TAOK3: variants seen among roughly 807,000 people sequenced by gnomAD.
The protein encoded by TAOK3 is serine/threonine-protein kinase TAO3.
Under a neutral mutation model 120.4 loss-of-function variants are expected in TAOK3, and 40 were observed. That is an observed-to-expected ratio of 0.33 (90% confidence interval 0.26 to 0.43). The LOEUF is 0.43. TAOK3 is among the 20% of genes least tolerant of loss of function. TAOK3 has a pLI of 1.00. For synonymous variants in TAOK3, 355 were observed against 387.5 expected, an observed-to-expected ratio of 0.92 and a Z score of 0.99; for missense variants, 821 against 1,112.1, an observed-to-expected ratio of 0.74 and a Z score of 3.72.
chr12:118,330,535 T>C (rs1347374413), intron 1 of TAOK3, among the ~76,000 whole-genome samples: 1 of 152,134 alleles, frequency 6.6e-6, no homozygotes, highest in Non-Finnish European at 1.5e-5. Context: ...TGTATGTGCG[T>C]GTCTGGCTGC....
chr12:118,361,468 T>C (rs1159158526), intron 1 of TAOK3, among the ~76,000 whole-genome samples: 1 of 152,074 alleles, frequency 6.6e-6, no homozygotes, highest in African/African-American at 2.4e-5. Context: ...TTTTCTTTTT[T>C]TTTTTTTGAG....
intron 8 of TAOK3, 51 bp downstream of exon 8, chr12:118,235,507 G>A (rs1309897888): frequency 7.1e-7 from 1 of 1,416,362 alleles, no homozygotes; most frequent in Admixed American, 1.7e-5. Context: ...CCATAGTTGA[G>A]TTCATGTATG....
chr12:118,351,133 C>T (rs909641881), intron 1 of TAOK3, among the ~76,000 whole-genome samples: 1 of 152,060 alleles, frequency 6.6e-6, no homozygotes, highest in Admixed American at 6.6e-5. Context: ...GAACTGAGAT[C>T]ACAGCACTGC....
At chr12:118,313,572 G>T (rs552186230) in intron 1 of TAOK3, among the ~76,000 whole-genome samples, 1 of 152,174 alleles carries the variant, frequency 6.6e-6, no homozygotes, top group Non-Finnish European at 1.5e-5. Flanking sequence ...CACCGCATAG[G>T]CTGAGAAAGG....
At chr12:118,276,813 T>C (rs1433213698) in intron 1 of TAOK3, among the ~76,000 whole-genome samples, 2 of 152,178 alleles carry the variant, frequency 1.3e-5, no homozygotes, top group African/African-American at 4.8e-5. Context: ...GAGACCAACC[T>C]GGCCAACATG....
intron 1 of TAOK3, among the ~76,000 whole-genome samples, chr12:118,270,947 G>T (rs898224812): frequency 6.6e-6 from 1 of 152,050 alleles, no homozygotes; most frequent in East Asian, 1.9e-4. Context: ...AAAGTGCTGG[G>T]ATTACAGGTG....
At chr12:118,227,115 G>A (rs16948193) in intron 9 of TAOK3, among the ~76,000 whole-genome samples, 18,330 of 151,644 alleles carry the variant, frequency 0.12, 1,192 homozygotes, top group Middle Eastern at 0.15. Context: ...GTTAAAAAAT[G>A]GGTAGGCACT....
chr12:118,201,083 C>T (rs1002978305), intron 12 of TAOK3: 3 of 409,348 alleles, frequency 7.3e-6, no homozygotes, highest in South Asian at 5.4e-5. Context: ...CCATGATGGA[C>T]CCCTGCAATG....
chr12:118,311,621 T>C (rs1442380892), intron 1 of TAOK3, among the ~76,000 whole-genome samples: 2 of 7,190 alleles, frequency 2.8e-4, no homozygotes, highest in African/African-American at 2.6e-3. Context: ...GTTGAATAAT[T>C]TTTTTTTTTT....
At chr12:118,280,114 T>C (rs989398525) in intron 1 of TAOK3, among the ~76,000 whole-genome samples, 1 of 143,732 alleles carries the variant, frequency 7.0e-6, no homozygotes, top group Non-Finnish European at 1.5e-5. Flanking sequence ...CAGGCTGGGG[T>C]GCAGTGGCGC....
chr12:118,222,533 A>AT (rs2039288090), intron 9 of TAOK3, among the ~76,000 whole-genome samples: 1 of 126,660 alleles, frequency 7.9e-6, no homozygotes, highest in African/African-American at 3.1e-5. Context: ...CTCCCTCTCG[A>AT]AAAAAAAAAA....
intron 16 of TAOK3, among the ~76,000 whole-genome samples, chr12:118,173,234 A>G (rs562218851): frequency 5.5e-4 from 84 of 152,234 alleles, no homozygotes; most frequent in Non-Finnish European, 4.1e-4. Flanking sequence ...GAGAGGAAAC[A>G]TGGTGCCATC....
intron 9 of TAOK3, among the ~76,000 whole-genome samples, chr12:118,230,554 T>C (rs2454757): frequency 0.73 from 106,646 of 146,868 alleles, 38,635 homozygotes; most frequent in South Asian, 0.77. Context: ...CTGCAAGCTC[T>C]GCCTCCCAGG....
At chr12:118,199,279 G>A (rs760908030) in intron 12 of TAOK3, 22 bp from the exon 13 acceptor site, 23 of 1,576,142 alleles carry the variant, frequency 1.5e-5, no homozygotes, top group African/African-American at 4.1e-5. Context: ...GGGCACTGAG[G>A]TTAGAAAAAA....
chr12:118,290,717 C>T (rs1248906649), intron 1 of TAOK3, among the ~76,000 whole-genome samples: 1 of 152,154 alleles, frequency 6.6e-6, no homozygotes, highest in Non-Finnish European at 1.5e-5. Flanking sequence ...AGGGGTGTTC[C>T]ACCATGCCTG....
chr12:118,249,493 C>T (rs1209239537), intron 3 of TAOK3, among the ~76,000 whole-genome samples: 2 of 148,812 alleles, frequency 1.3e-5, no homozygotes, highest in South Asian at 2.1e-4. Context: ...ACCCAGGAGG[C>T]GGAGGTTGCA....
intron 1 of TAOK3, among the ~76,000 whole-genome samples, chr12:118,311,287 C>A (rs1034225592): frequency 6.6e-6 from 1 of 152,152 alleles, no homozygotes; most frequent in Non-Finnish European, 1.5e-5. Flanking sequence ...ATGGTGAAAC[C>A]CTGTCTTTAC....
rs577072844 is a variant in TAOK3, at chr12:118,359,311, T to C, written c.-194+13337A>G. 8 of 152,360 alleles carry C rather than the reference T, an allele frequency of 5.3e-5. No individual in the cohort carries two copies. The South Asian group carries it at 1.2e-3, about 24-fold the overall frequency. The allele number at this position is 152,360 out of a possible 1,614,324, so 9.4% of individuals were successfully genotyped here. A position where few individuals can be genotyped will look rare whatever the true frequency, so the allele number is the denominator to read the frequency against. On this transcript the variant is annotated intron_variant, in intron 1 of 20. Transcript: ENST00000392533. ...GGAAAACTTGCTCAAGCTAATCTTATGTAAAAATCTATGAAAGTCTATCAA... is the reference window on the plus strand; with the variant it reads ...GGAAAACTTGCTCAAGCTAATCTTACGTAAAAATCTATGAAAGTCTATCAA...
At chr12:118,221,870 A>G (rs2039250674) in intron 9 of TAOK3, among the ~76,000 whole-genome samples, 1 of 150,732 alleles carries the variant, frequency 6.6e-6, no homozygotes, top group African/African-American at 2.4e-5. Context: ...TCCTGACCTC[A>G]TGATCTGCCC....
Sources: gnomAD v4.1 joint callset for allele counts (sites outside exome capture counted in the v4.1 genomes callset) on GRCh38, gnomAD v4.1.1 for gene constraint, MANE v1.5 for transcripts, NCBI Gene and HGNC (gene_info 2026-07-23, HGNC 2026-07-21) for gene names.